The following TET1 variants were observed in gnomAD, a reference collection of about 807,000 sequenced individuals.
TET1 encodes the protein methylcytosine dioxygenase TET1.
Under a neutral mutation model 148.7 loss-of-function variants are expected in TET1, and 13 were observed. The observed-to-expected ratio is 0.09, with a 90% CI of 0.06 to 0.14. The LOEUF is 0.14. Among genes scored for constraint, TET1 ranks in the 10% least tolerant of loss-of-function variants. The probability of loss-of-function intolerance (pLI) is 1.00; values close to 1 mark genes in which losing one functional copy is unlikely to be tolerated. For missense variants in TET1, 2,182 were observed against 2,553.8 expected (o/e 0.85, Z 3.14); for synonymous variants, 907 against 937.2 (o/e 0.97, Z 0.59).
At chr10:68,590,380 C>T (rs540246166) in intron 2 of TET1, among the ~76,000 whole-genome samples, 4 of 152,244 alleles carry the variant, frequency 2.6e-5, no homozygotes, top group African/African-American at 9.6e-5. Context: ...AATCCTCCTG[C>T]CTTGGCTTCC....
intron 2 of TET1, among the ~76,000 whole-genome samples, chr10:68,586,934 T>G (rs2053868841): frequency 6.6e-6 from 1 of 152,216 alleles, no homozygotes; most frequent in Non-Finnish European, 1.5e-5. Flanking sequence ...TTTCACCTGT[T>G]TTCCATCTTG....
intron 6 of TET1, among the ~76,000 whole-genome samples, chr10:68,662,476 T>C (rs989971867): frequency 6.8e-6 from 1 of 146,602 alleles, no homozygotes; most frequent in African/African-American, 2.6e-5. Context: ...AAATTTTACG[T>C]ATTATTAATT....
At chr10:68,609,839 G>A (rs2054181269) in intron 3 of TET1, among the ~76,000 whole-genome samples, 1 of 151,912 alleles carries the variant, frequency 6.6e-6, no homozygotes, top group Non-Finnish European at 1.5e-5. Context: ...TTATCTGGGA[G>A]TTGGGTGAAT....
intron 3 of TET1, among the ~76,000 whole-genome samples, chr10:68,640,752 C>T (rs1021469377): frequency 1.3e-5 from 2 of 150,810 alleles, no homozygotes; most frequent in African/African-American, 2.4e-5. Flanking sequence ...GGGATTTCAC[C>T]ATGTTAGCCA....
chr10:68,645,869 A>G lies in TET1; in HGVS notation c.3140A>G (p.Tyr1047Cys). Residue 1047 changes from tyrosine to cysteine, a missense_variant, in exon 4 of 12, where the codon TAT (tyrosine) becomes TGT (cysteine). Coordinates refer to ENST00000373644, the MANE Select transcript of TET1 (RefSeq NM_030625.3). ...CCACCAAGAAATAATGAAGTGGAGT[A>G]TTGCAACCAGTTACTGGACAGCAGC... is the stretch of plus-strand genomic sequence containing the variant. ...QLPPRNNEVE[Y>C]CNQLLDSSKK... 1 of 1,614,156 alleles carries G rather than the reference A, an allele frequency of 6.2e-7. No homozygotes were observed. Among genetic ancestry groups the G allele is most frequent in the Non-Finnish European group, 8.5e-7 (1 of 1,180,020 alleles).
At position 68,682,978 on chromosome 10, in the gene TET1, G is replaced by C. The variant is rs2055456826; in HGVS notation, c.5052+5G>C. 1.2e-6 allele frequency: 2 copies of C among 1,612,388 alleles called. No homozygotes were observed. The highest frequency in any genetic ancestry group is 1.7e-6 in the Non-Finnish European group (2 of 1,179,722). Reference sequence around the variant, plus strand: ...ATGAATAATGGAAGCACTGTGGTATGTACCTGTGTGAATTTGTATTCTAAA... The same window carrying C: ...ATGAATAATGGAAGCACTGTGGTATCTACCTGTGTGAATTTGTATTCTAAA... On this transcript the variant is annotated splice_donor_5th_base_variant and intron_variant, in intron 10 of 11. Coordinates refer to ENST00000373644, the MANE Select transcript of TET1 (RefSeq NM_030625.3).
Position 68,624,658 on chromosome 10 carries a change from TTCTCTCTCTCTCTCTCTC to T in TET1, c.1969-20018_1969-20001del, listed in dbSNP as rs201414722. ...TTTCTTTCTTTCTTTCTTTCTTTCTTTCTCTCTCTCTCTCTCTCTCTCTCTCTCTCTCTCTCTCTTTCT... is the reference window on the plus strand; with the variant it reads ...TTTCTTTCTTTCTTTCTTTCTTTCTTTCTCTCTCTCTCTCTCTCTCTTTCT... On this transcript the variant is annotated intron_variant, in intron 3 of 11. Transcript: ENST00000373644. Among the ~76,000 whole-genome samples, 436 of 95,182 alleles carry T rather than the reference TTCTCTCTCTCTCTCTCTC, an allele frequency of 4.6e-3. 10 individuals are homozygous for T. Among genetic ancestry groups the T allele is most frequent in the Middle Eastern group, 0.012 (2 of 168 alleles). 62.4% of individuals were successfully genotyped at this position (95,182 alleles called of 152,430 possible). A position where few individuals can be genotyped will look rare whatever the true frequency, so the allele number is the denominator to read the frequency against.
chr10:68,588,680 G>A (rs1053574702), intron 2 of TET1, among the ~76,000 whole-genome samples: 13 of 152,130 alleles, frequency 8.5e-5, no homozygotes, highest in Non-Finnish European at 1.8e-4. Flanking sequence ...AAACAAAAAT[G>A]TTAACATGAT....
intron 6 of TET1, among the ~76,000 whole-genome samples, chr10:68,658,110 G>A (rs555835072): frequency 6.6e-6 from 1 of 151,962 alleles, no homozygotes; most frequent in South Asian, 2.1e-4. Context: ...ATCAAGCATC[G>A]TTTCATGATT....
intron 6 of TET1, among the ~76,000 whole-genome samples, chr10:68,656,420 A>G (rs2055022955): frequency 6.6e-6 from 1 of 151,738 alleles, no homozygotes; most frequent in Non-Finnish European, 1.5e-5. Flanking sequence ...CTGCCACCAC[A>G]CCTGGCTAAT....
chr10:68,667,297 C>T (rs2055207866), intron 7 of TET1, 41 bp downstream of exon 7: 2 of 1,510,456 alleles, frequency 1.3e-6, no homozygotes, highest in African/African-American at 1.4e-5. Context: ...ATTCAGATCT[C>T]TATTACATAT....
chr10:68,590,144 G>A (rs928144453), intron 2 of TET1, among the ~76,000 whole-genome samples: 1 of 151,952 alleles, frequency 6.6e-6, no homozygotes, highest in Non-Finnish European at 1.5e-5. Context: ...ACAGGGTCCT[G>A]CTCTGTTGCC....
At position 68,686,338 on chromosome 10, in the gene TET1, T is replaced by C. The variant is rs536094844; in HGVS notation, c.5053-18T>C. On this transcript the variant is annotated intron_variant, in intron 10 of 11. Transcript: ENST00000373644. ...CGACCCGTATATCTTTCCCATTTCA[T>C]GTTTTTCTCCCTATCAGGTTTGTAC... 1.9e-6 allele frequency: 3 copies of C among 1,562,752 alleles called. No individual in the cohort carries two copies. Among genetic ancestry groups the C allele is most frequent in the South Asian group, 1.2e-5 (1 of 83,836 alleles).
At chr10:68,657,604 G>A (rs998005927) in intron 6 of TET1, among the ~76,000 whole-genome samples, 2 of 152,190 alleles carry the variant, frequency 1.3e-5, no homozygotes, top group African/African-American at 4.8e-5. Context: ...CTACACTCTA[G>A]CCTGAGTAAC....
chr10:68,576,112 T>C (rs1481446223), intron 2 of TET1, among the ~76,000 whole-genome samples: 1 of 151,834 alleles, frequency 6.6e-6, no homozygotes, highest in Non-Finnish European at 1.5e-5. Flanking sequence ...TCCCAGAACT[T>C]TGGGAGGCTG....
chr10:68,578,043 T>C (rs1382048827), intron 2 of TET1, among the ~76,000 whole-genome samples: 1 of 152,132 alleles, frequency 6.6e-6, no homozygotes, highest in East Asian at 1.9e-4. Flanking sequence ...AAATCAGACA[T>C]TTAATAAATC....
intron 7 of TET1, among the ~76,000 whole-genome samples, chr10:68,669,681 G>A (rs903023187): frequency 2.7e-5 from 4 of 150,102 alleles, no homozygotes; most frequent in South Asian, 2.1e-4. Context: ...ACAGAGTCTC[G>A]CACTGTCGCC....
chr10:68,633,944 T>C (rs902830540), intron 3 of TET1, among the ~76,000 whole-genome samples: 1 of 152,140 alleles, frequency 6.6e-6, no homozygotes, highest in South Asian at 2.1e-4. Flanking sequence ...TGAGAAACAG[T>C]CTCACTCTCA....
chr10:68,598,694 T>A (rs2054015714), intron 2 of TET1, among the ~76,000 whole-genome samples: 1 of 147,646 alleles, frequency 6.8e-6, no homozygotes, highest in South Asian at 2.2e-4. Context: ...TTTTTTCTTT[T>A]TCTTTCTTTT....
Sources: gnomAD v4.1 joint callset for allele counts (sites outside exome capture counted in the v4.1 genomes callset) on GRCh38, gnomAD v4.1.1 for gene constraint, MANE v1.5 for transcripts, NCBI Gene and HGNC (gene_info 2026-07-23, HGNC 2026-07-21) for gene names.